Variants in ABLIM1 observed in about 807,000 individuals in gnomAD.
ABLIM1 encodes actin binding LIM protein 1.
In ABLIM1, 40 loss-of-function variants were observed where a neutral mutation model predicts 107.0. The observed-to-expected ratio is 0.37, with a 90% CI of 0.29 to 0.49. The LOEUF is 0.49. Among genes scored for constraint, ABLIM1 ranks in the 20% least tolerant of loss-of-function variants. The pLI, the probability that ABLIM1 is intolerant of heterozygous loss-of-function variation, is 0.97. For missense variants in ABLIM1, 857 were observed against 1,008.5 expected (o/e 0.85, Z 2.04); for synonymous variants, 357 against 357.3 (o/e 1.00, Z 0.01).
At chr10:114,444,656 A>T (rs960530093) in intron 16 of ABLIM1, among the ~76,000 whole-genome samples, 1 of 152,182 alleles carries the variant, frequency 6.6e-6, no homozygotes, top group African/African-American at 2.4e-5. Flanking sequence ...ACACACATAT[A>T]AAACTGAGAT....
intron 1 of ABLIM1, among the ~76,000 whole-genome samples, chr10:114,683,093 CAT>C (rs1239950280): frequency 1.3e-5 from 2 of 152,192 alleles, no homozygotes; most frequent in African/African-American, 4.8e-5. Context: ...AATTAATATG[CAT>C]AGTGTCCTTA....
the ABLIM1 span, among the ~76,000 whole-genome samples, chr10:114,799,795 A>G: frequency 3.3e-5 from 5 of 151,802 alleles, no homozygotes; most frequent in African/African-American, 1.2e-4. Flanking sequence ...TTTTTGAGAC[A>G]GGGTCTCACT....
intron 1 of ABLIM1, among the ~76,000 whole-genome samples, chr10:114,663,931 G>C (rs1005434997): frequency 1.3e-5 from 2 of 152,224 alleles, no homozygotes; most frequent in Admixed American, 6.5e-5. Context: ...AAAATGCAGA[G>C]AGAAGCGTTT....
At chr10:114,771,537 T>G (rs955516347), upstream of ABLIM1, among the ~76,000 whole-genome samples, 7 of 152,190 alleles carry the variant, frequency 4.6e-5, no homozygotes, top group African/African-American at 1.2e-4. Context: ...GAAATGACAT[T>G]TTAGGGCCAC....
intron 4 of ABLIM1, among the ~76,000 whole-genome samples, chr10:114,553,522 A>G (rs771345999): frequency 6.6e-6 from 1 of 152,228 alleles, no homozygotes; most frequent in African/African-American, 2.4e-5. Flanking sequence ...GGAATCAGAC[A>G]TTGGAAAACA....
At chr10:114,702,885 C>T (rs2081336281) in intron 1 of ABLIM1, among the ~76,000 whole-genome samples, 1 of 151,970 alleles carries the variant, frequency 6.6e-6, no homozygotes, top group Non-Finnish European at 1.5e-5. Flanking sequence ...TATACTTTCC[C>T]TCGCTAGACA....
At chr10:114,788,320 G>T in the ABLIM1 span, among the ~76,000 whole-genome samples, 1 of 65,268 alleles carries the variant, frequency 1.5e-5, no homozygotes, top group Admixed American at 1.6e-4. Context: ...ACCCAAGAAT[G>T]ATCAATAAAA....
chr10:114,658,132 T>C lies in ABLIM1; in HGVS notation c.69A>G (p.Ser23=). ...LCSSEKSKVT[S]SERTSARGSN... The stretch of plus-strand genomic sequence containing the variant: ...AGCCCCTGGCACTGGTTCTCTCAGA[T>C]GAGGTGACTTTGCTTTTCTCAGAGC... The change falls in exon 1 of 23, where the codon TCA becomes TCG. Residue 23 remains serine, a synonymous_variant. Transcript: ENST00000533213. 1 of 1,614,150 alleles carries C rather than the reference T, an allele frequency of 6.2e-7. No homozygotes were observed. Among genetic ancestry groups the C allele is most frequent in the Non-Finnish European group, 8.5e-7 (1 of 1,179,980 alleles).
At chr10:114,547,288 G>A (rs749915233) in intron 5 of ABLIM1, among the ~76,000 whole-genome samples, 13 of 152,138 alleles carry the variant, frequency 8.5e-5, no homozygotes, top group Non-Finnish European at 1.8e-4. Flanking sequence ...TGTTTTTGGG[G>A]AGCGTCTATG....
intron 1 of ABLIM1, among the ~76,000 whole-genome samples, chr10:114,669,491 G>A (rs904124636): frequency 6.6e-6 from 1 of 152,134 alleles, no homozygotes; most frequent in Non-Finnish European, 1.5e-5. Context: ...TCCATTTTAT[G>A]ATTATAAATG....
intron 1 of ABLIM1, among the ~76,000 whole-genome samples, chr10:114,643,695 G>A (rs769640640): frequency 6.6e-6 from 1 of 150,816 alleles, no homozygotes; most frequent in Non-Finnish European, 1.5e-5. Context: ...TCCCACCCCA[G>A]CCTCCTGAGT....
At chr10:114,569,380 C>T (rs924903134) in intron 4 of ABLIM1, among the ~76,000 whole-genome samples, 8 of 151,320 alleles carry the variant, frequency 5.3e-5, no homozygotes, top group Non-Finnish European at 1.0e-4. Flanking sequence ...AGTGCAGTGG[C>T]GCGATCTCGG....
At chr10:114,788,487 G>A in the ABLIM1 span, among the ~76,000 whole-genome samples, 1 of 150,648 alleles carries the variant, frequency 6.6e-6, no homozygotes. Flanking sequence ...CAGCACTTTT[G>A]GAAGCTGAGG....
chr10:114,507,392 C>T (rs1186170299), intron 6 of ABLIM1, among the ~76,000 whole-genome samples: 1 of 152,232 alleles, frequency 6.6e-6, no homozygotes, highest in Non-Finnish European at 1.5e-5. Flanking sequence ...TCAGGACCCC[C>T]AGGCTTGGCA....
chr10:114,517,043 C>A (rs190669960), intron 6 of ABLIM1, among the ~76,000 whole-genome samples: 1 of 152,030 alleles, frequency 6.6e-6, no homozygotes, highest in East Asian at 1.9e-4. Context: ...CTGTTGATTA[C>A]GACAAGAACA....
chr10:114,754,018 A>T (rs532186002), intron 1 of ABLIM1, among the ~76,000 whole-genome samples: 45 of 152,096 alleles, frequency 3.0e-4, no homozygotes, highest in African/African-American at 9.9e-4. Context: ...GACCTGGCTA[A>T]TTTTTTTGTA....
chr10:114,648,398 AC>A (rs1404080234), intron 1 of ABLIM1, among the ~76,000 whole-genome samples: 1 of 152,240 alleles, frequency 6.6e-6, no homozygotes, highest in Non-Finnish European at 1.5e-5. Flanking sequence ...AGCCTTAAAA[AC>A]ATTATACTAA....
chr10:114,756,636 G>C (rs879562279), intron 1 of ABLIM1, among the ~76,000 whole-genome samples: 3 of 152,108 alleles, frequency 2.0e-5, no homozygotes, highest in Non-Finnish European at 4.4e-5. Context: ...TTTAACTTCA[G>C]ATGTTTTATT....
chr10:114,783,681 T>C, the ABLIM1 span, among the ~76,000 whole-genome samples: 1 of 151,324 alleles, frequency 6.6e-6, no homozygotes, highest in Non-Finnish European at 1.5e-5. Context: ...GTCACTTATC[T>C]CTCTCGGTGT....
Sources: allele counts gnomAD v4.1 joint callset (sites outside exome capture counted in the v4.1 genomes callset), GRCh38; gene constraint gnomAD v4.1.1; transcripts MANE v1.5; gene names NCBI Gene and HGNC (gene_info 2026-07-23, HGNC 2026-07-21).